LRP4: variants seen among roughly 807,000 people sequenced by gnomAD.
LRP4 encodes low-density lipoprotein receptor-related protein 4.
LRP4 carries 95 observed loss-of-function variants against 220.3 expected under a neutral mutation model. The ratio of observed to expected loss-of-function variants is 0.43; its 90% CI spans 0.37 to 0.51. The LOEUF (loss-of-function observed/expected upper bound fraction) is 0.51, where lower values mean the gene tolerates loss of function less well. LRP4 is among the 20% of genes least tolerant of loss of function. The pLI, the probability that LRP4 is intolerant of heterozygous loss-of-function variation, is 0.00. For missense variants in LRP4, 1,925 were observed against 2,567.0 expected, an observed-to-expected ratio of 0.75 and a Z score of 5.40; for synonymous variants, 903 against 954.6, an observed-to-expected ratio of 0.95 and a Z score of 1.00.
In LRP4 at chr11:46,890,315, T is replaced by C. The variant is rs1941393608; in HGVS notation, c.1877A>G (p.Asn626Ser). 5.6e-6 allele frequency: 9 copies of C among 1,614,062 alleles called. No individual in the cohort carries two copies. The highest frequency in any genetic ancestry group is 7.6e-6 in the Non-Finnish European group (9 of 1,180,056). The change falls in exon 14 of 38, where the codon AAT (asparagine) becomes AGT (serine). Residue 626 changes from asparagine to serine, a missense_variant. Around this residue, in one of 3 missense-constraint regions of LRP4, gnomAD observed 269 missense variants for 436.7 expected, o/e 0.62. Coordinates refer to ENST00000378623, the MANE Select transcript of LRP4 (RefSeq NM_002334.4). This position sits in a 1 kb window ranked among gnomAD's most constrained non-coding sequence, Gnocchi z 5.3. ...DAKHHVIERA[N>S]LDGSHRKAVI... ...AGCCTTACGGTGACTCCCATCCAGA[T>C]TGGCCCTCTCGATGACATGGTGCTT...
In LRP4 at chr11:46,875,702, G is replaced by C. The variant is rs2306032; in HGVS notation, c.3700-21C>G. The C allele has an allele frequency of 0.62, 1,007,517 of 1,612,178 alleles. 326,463 individuals are homozygous for C. Among genetic ancestry groups the C allele is most frequent in the Non-Finnish European group, 0.66 (782,005 of 1,178,646 alleles). On this transcript the variant is annotated intron_variant, in intron 26 of 37. Coordinates refer to ENST00000378623, the MANE Select transcript of LRP4 (RefSeq NM_002334.4). The surrounding 1 kb of genome is among the most constrained non-coding windows in gnomAD (Gnocchi z 4.5). ...ATTCGCTGCAGAGGAAGGAGAGGGT[G>C]GGGGGTGGTGATCAGCAGATTGGGA...
Position 46,859,291 on chromosome 11 carries a change from T to A in LRP4, c.5410A>T (p.Lys1804Ter), listed in dbSNP as rs2134751302. ...KEGGPDHNYT[K>*]EKIKIVEGIC... ...CCCTCTACGATCTTGATCTTCTCCT[T>A]GGTGTAGTTATGGTCAGGCCCTCCC... The change falls in exon 38 of 38, where the codon AAG (lysine) becomes TAG (stop). Residue 1804 changes from lysine to a stop codon, truncating the protein, a stop_gained. Coordinates refer to ENST00000378623, the MANE Select transcript of LRP4 (RefSeq NM_002334.4). LOFTEE classifies it high-confidence loss of function. 6.2e-7 allele frequency: 1 copy of A among 1,614,038 alleles called. No homozygotes were observed. Among genetic ancestry groups the A allele is most frequent in the Non-Finnish European group, 8.5e-7 (1 of 1,179,984 alleles).
intron 3 of LRP4, 136 bp from the exon 4 acceptor site, chr11:46,900,112 C>A: frequency 1.0e-6 from 1 of 960,408 alleles, no homozygotes. Flanking sequence ...TGCCTCTCAG[C>A]AGCTTATCTG....
At chr11:46,907,814 A>G (rs533667343) in intron 1 of LRP4, among the ~76,000 whole-genome samples, 1 of 152,362 alleles carries the variant, frequency 6.6e-6, no homozygotes, top group South Asian at 2.1e-4. Flanking sequence ...TCCAGGCCTC[A>G]GTTTCCTCAT....
intron 1 of LRP4, among the ~76,000 whole-genome samples, chr11:46,913,056 G>A (rs1941890721): frequency 6.6e-6 from 1 of 152,080 alleles, no homozygotes; most frequent in Non-Finnish European, 1.5e-5. Flanking sequence ...CCCCAGTTGG[G>A]TCCCAGACAG....
chr11:46,876,696 C>A (rs1941030376), intron 24 of LRP4, 48 bp downstream of exon 24: 1 of 1,613,596 alleles, frequency 6.2e-7, no homozygotes, highest in Admixed American at 1.7e-5. Context: ...GCTATTTCCC[C>A]AGCCCTGTTG....
chr11:46,888,548 CAAAA>C (rs71042635), intron 16 of LRP4, among the ~76,000 whole-genome samples: 483 of 31,310 alleles, frequency 0.015, 5 homozygotes, highest in Middle Eastern at 0.091. Flanking sequence ...AAAACTGTCT[CAAAA>C]AAAAAAAAAA....
In LRP4 at chr11:46,896,038, G is replaced by A. The variant is rs1377206216; in HGVS notation, c.1049-20C>T. The A allele has an allele frequency of 1.2e-5, 19 of 1,613,916 alleles. No homozygotes were observed. In the African/African-American group the frequency reaches 1.5e-4, roughly 12 times the overall value. Reference sequence around the variant, plus strand: ...GGGGCCCTGTGCCAGCCAAGCCAGAGTTGGGAGTTGAGCCCAGAATCCTCC... The same window carrying A: ...GGGGCCCTGTGCCAGCCAAGCCAGAATTGGGAGTTGAGCCCAGAATCCTCC... On this transcript the variant is annotated intron_variant, in intron 9 of 37. Transcript: ENST00000378623.
Position 46,875,187 on chromosome 11 carries a change from T to C in LRP4, c.3926-84A>G. 7.2e-7 allele frequency: 1 copy of C among 1,387,962 alleles called. No individual in the cohort carries two copies. The highest frequency in any genetic ancestry group is 1.0e-6 in the Non-Finnish European group (1 of 1,004,200). 86.0% of individuals were successfully genotyped at this position (1,387,962 alleles called of 1,614,324 possible). A position where few individuals can be genotyped will look rare whatever the true frequency, so the allele number is the denominator to read the frequency against. ...AAGGTCCCAGTTGTTTGTGGCTGGCTCTTTGCTGTTCTAAGTGACAGGATT... is the reference window on the plus strand; with the variant it reads ...AAGGTCCCAGTTGTTTGTGGCTGGCCCTTTGCTGTTCTAAGTGACAGGATT... On this transcript the variant is annotated intron_variant, in intron 27 of 37. Coordinates refer to ENST00000378623, the MANE Select transcript of LRP4 (RefSeq NM_002334.4). This position sits in a 1 kb window ranked among gnomAD's most constrained non-coding sequence, Gnocchi z 4.5.
At chr11:46,876,712 C>G in intron 24 of LRP4, 32 bp downstream of exon 24, 1 of 1,614,054 alleles carries the variant, frequency 6.2e-7, no homozygotes, top group Non-Finnish European at 8.5e-7. Flanking sequence ...TGTTGCCAGA[C>G]AGGTGGTCCC....
intron 16 of LRP4, among the ~76,000 whole-genome samples, chr11:46,889,181 G>C (rs1941365163): frequency 6.6e-6 from 1 of 152,204 alleles, no homozygotes; most frequent in African/African-American, 2.4e-5. Flanking sequence ...CTCACTGCAG[G>C]TGTTCACACT....
At chr11:46,885,442 G>T (rs1302391319) in intron 18 of LRP4, among the ~76,000 whole-genome samples, 3 of 152,114 alleles carry the variant, frequency 2.0e-5, no homozygotes, top group African/African-American at 7.2e-5. Flanking sequence ...CTTGTTCAGG[G>T]TATCCCCTTG....
At chr11:46,872,461 G>A (rs1402524368) in intron 30 of LRP4, among the ~76,000 whole-genome samples, 1 of 151,988 alleles carries the variant, frequency 6.6e-6, no homozygotes, top group African/African-American at 2.4e-5. Context: ...TCCGGAGCCT[G>A]GGTCGGGCGT....
intron 8 of LRP4, 133 bp downstream of exon 8, chr11:46,896,736 C>T: frequency 7.5e-7 from 1 of 1,331,084 alleles, no homozygotes; most frequent in Non-Finnish European, 1.1e-6. Flanking sequence ...CATAAGGCCG[C>T]AGGTCAATGA....
rs777888828 is a variant in LRP4, at chr11:46,896,849, G to A, written c.922+20C>T. 2.5e-6 allele frequency: 4 copies of A among 1,614,008 alleles called. No homozygotes were observed. The highest frequency in any genetic ancestry group is 1.1e-5 in the South Asian group (1 of 91,070). On this transcript the variant is annotated intron_variant, in intron 8 of 37. Coordinates refer to ENST00000378623, the MANE Select transcript of LRP4 (RefSeq NM_002334.4). ...CCCAACTATAGGCTAAGGGTTCTGG[G>A]GCACCCCGGGAGACACCACCTGTAT...
Position 46,867,988 on chromosome 11 carries a change from A to C in LRP4, c.5078T>G (p.Val1693Gly). The C allele has an allele frequency of 6.2e-7, 1 of 1,613,638 alleles. No homozygotes were observed. The highest frequency in any genetic ancestry group is 8.5e-7 in the Non-Finnish European group (1 of 1,179,934). The stretch of plus-strand genomic sequence containing the variant: ...CATTGAACCTATTTACCTTCCTTCC[A>C]CCTCCTCCAGAGACGTGCGGGTCCG... ...TTRTRTSLEEVEGRCSERDAR... is the reference protein window; with the variant it reads ...TTRTRTSLEEGEGRCSERDAR... Residue 1693 changes from valine to glycine, a missense_variant, in exon 34 of 38, where the codon GTG (valine) becomes GGG (glycine). By Grantham distance (109) the Val-to-Gly change is moderately radical. This residue lies in a region of LRP4 where 1,244 missense variants were observed against 1,624.9 expected (regional missense o/e 0.77). Transcript: ENST00000378623.
chr11:46,864,580 T>TAGGCAGGCAGCCA (rs758645525), intron 35 of LRP4, 45 bp from the exon 36 acceptor site: 3 of 1,274,298 alleles, frequency 2.4e-6, no homozygotes, highest in South Asian at 2.4e-5. Context: ...CCGACAACTT[T>TAGGCAGGCAGCCA]CTAGCGGTGC....
intron 16 of LRP4, 72 bp downstream of exon 16, chr11:46,889,339 G>T: frequency 6.3e-7 from 1 of 1,595,130 alleles, no homozygotes; most frequent in Non-Finnish European, 8.6e-7. Context: ...ATCCCTCCAC[G>T]TCCTATCCCT....
intron 30 of LRP4, among the ~76,000 whole-genome samples, chr11:46,872,044 G>A (rs1288555423): frequency 6.6e-6 from 1 of 152,138 alleles, no homozygotes; most frequent in African/African-American, 2.4e-5. Context: ...ATCACTTGAG[G>A]TCAGGAGTTC....
Sources: gnomAD v4.1 joint callset for allele counts (sites outside exome capture counted in the v4.1 genomes callset) on GRCh38, gnomAD v4.1.1 for gene constraint, gnomAD v4.1.1 regional missense constraint, Gnocchi (gnomAD v3.1) non-coding constraint, MANE v1.5 for transcripts, NCBI Gene and HGNC (gene_info 2026-07-23, HGNC 2026-07-21) for gene names.